Variants in EHBP1 observed in about 807,000 individuals in gnomAD.
The protein encoded by EHBP1 is EH domain binding protein 1.
EHBP1 carries 55 observed loss-of-function variants against 144.0 expected under a neutral mutation model. The ratio of observed to expected loss-of-function variants is 0.38; its 90% CI spans 0.31 to 0.48. The LOEUF (loss-of-function observed/expected upper bound fraction) is 0.48, where lower values mean the gene tolerates loss of function less well. Among genes scored for constraint, EHBP1 ranks in the 20% least tolerant of loss-of-function variants. The pLI is 0.98. For synonymous variants in EHBP1, 469 were observed against 472.7 expected, an observed-to-expected ratio of 0.99 and a Z score of 0.10; for missense variants, 1,200 against 1,364.2, an observed-to-expected ratio of 0.88 and a Z score of 1.90.
intron 14 of EHBP1, among the ~76,000 whole-genome samples, chr2:62,960,183 C>A (rs550801048): frequency 6.6e-5 from 10 of 152,256 alleles, no homozygotes; most frequent in African/African-American, 2.2e-4. Flanking sequence ...ACCCCACTTA[C>A]CTAAGAGAAT....
chr2:63,026,881 A>G (rs1334114265), intron 19 of EHBP1, among the ~76,000 whole-genome samples: 1 of 152,246 alleles, frequency 6.6e-6, no homozygotes, highest in Admixed American at 6.5e-5. Flanking sequence ...GGGAAGACTA[A>G]ATGAAATCCC....
intron 5 of EHBP1, among the ~76,000 whole-genome samples, chr2:62,791,710 A>G (rs906109732): frequency 6.6e-6 from 1 of 152,004 alleles, no homozygotes; most frequent in Non-Finnish European, 1.5e-5. Flanking sequence ...TGTTTTAAAT[A>G]CCTGTAAGAG....
intron 1 of EHBP1, among the ~76,000 whole-genome samples, chr2:62,691,274 A>G (rs935967150): frequency 6.6e-6 from 1 of 152,202 alleles, no homozygotes; most frequent in African/African-American, 2.4e-5. Flanking sequence ...TGCCTCTACA[A>G]ATTTGTGAGA....
intron 15 of EHBP1, among the ~76,000 whole-genome samples, chr2:62,990,181 A>C (rs907506630): frequency 6.6e-6 from 1 of 152,156 alleles, no homozygotes; most frequent in Non-Finnish European, 1.5e-5. Context: ...GGGTATTTGT[A>C]AACATATACC....
chr2:62,829,058 G>A (rs767621036), intron 6 of EHBP1, among the ~76,000 whole-genome samples: 1 of 151,606 alleles, frequency 6.6e-6, no homozygotes, highest in South Asian at 2.1e-4. Flanking sequence ...GATGCAGTGA[G>A]CCATGTTCAC....
intron 16 of EHBP1, among the ~76,000 whole-genome samples, chr2:62,991,438 A>C (rs1193450062): frequency 1.3e-5 from 2 of 152,072 alleles, no homozygotes; most frequent in Non-Finnish European, 2.9e-5. Flanking sequence ...TGCTAAGACA[A>C]ATACTGTTAA....
chr2:62,995,822 G>A (rs2059606618), intron 18 of EHBP1, among the ~76,000 whole-genome samples: 1 of 151,938 alleles, frequency 6.6e-6, no homozygotes, highest in African/African-American at 2.4e-5. Context: ...TAATATGATT[G>A]TAAAAATTAA....
At position 62,897,055 on chromosome 2, in the gene EHBP1, A is replaced by G. The variant is rs531568383; in HGVS notation, c.1185+22523A>G. 7.9e-5 allele frequency among the ~76,000 whole-genome samples: 12 copies of G among 152,302 alleles called. 1 individual carries two copies. In the South Asian group the frequency reaches 2.5e-3, roughly 32 times the overall value. On this transcript the variant is annotated intron_variant, in intron 10 of 22. Coordinates refer to ENST00000431489, the MANE Select transcript of EHBP1 (RefSeq NM_001142616.3). ...GAAGTCTTGCTTCTACTCCTGTACC[A>G]TTTACTACATTTCACCCCTTTCCAC...
chr2:62,977,856 A>AGG (rs2058785622), intron 14 of EHBP1, among the ~76,000 whole-genome samples: 1 of 152,194 alleles, frequency 6.6e-6, no homozygotes, highest in African/African-American at 2.4e-5. Context: ...TTTATTTCAT[A>AGG]GGGAAATGGT....
chr2:62,849,077 T>A (rs995911192), intron 7 of EHBP1, among the ~76,000 whole-genome samples: 7 of 151,886 alleles, frequency 4.6e-5, no homozygotes, highest in African/African-American at 1.7e-4. Context: ...TTTTATAATC[T>A]CCTCCTTTGC....
intron 10 of EHBP1, among the ~76,000 whole-genome samples, chr2:62,908,287 T>C (rs1298868632): frequency 3.3e-5 from 5 of 152,210 alleles, no homozygotes. Context: ...GTAGAATCTG[T>C]AGTGATATTA....
intron 14 of EHBP1, among the ~76,000 whole-genome samples, chr2:62,962,694 AAG>A (rs1207108010): frequency 2.6e-5 from 4 of 152,242 alleles, no homozygotes; most frequent in South Asian, 2.1e-4. Context: ...CAAATCTAAA[AAG>A]AGAATCAGGA....
intron 5 of EHBP1, among the ~76,000 whole-genome samples, chr2:62,811,231 T>C (rs1573477747): frequency 1.3e-5 from 2 of 152,362 alleles, no homozygotes; most frequent in East Asian, 3.9e-4. Flanking sequence ...TTAGCTGATA[T>C]GGTTTCTAAT....
At chr2:62,943,139 G>T (rs1024214301) in intron 11 of EHBP1, among the ~76,000 whole-genome samples, 1 of 152,176 alleles carries the variant, frequency 6.6e-6, no homozygotes, top group Non-Finnish European at 1.5e-5. Context: ...CACTTTGGGA[G>T]GCCAAGGCGG....
intron 5 of EHBP1, among the ~76,000 whole-genome samples, chr2:62,821,564 C>T (rs1249346952): frequency 1.3e-5 from 2 of 151,872 alleles, no homozygotes; most frequent in Non-Finnish European, 2.9e-5. Context: ...GGTGTAGTCC[C>T]AGCTACTTGG....
chr2:62,949,253 T>C, intron 13 of EHBP1, 91 bp downstream of exon 13: 1 of 1,146,716 alleles, frequency 8.7e-7, no homozygotes, highest in Non-Finnish European at 1.2e-6. Flanking sequence ...TACAAATGAT[T>C]AAAGGTGAAG....
chr2:62,740,261 G>A (rs1374352240), intron 2 of EHBP1, among the ~76,000 whole-genome samples: 1 of 152,116 alleles, frequency 6.6e-6, no homozygotes, highest in East Asian at 1.9e-4. Flanking sequence ...AAGATGTTTT[G>A]CATCTTTTAT....
chr2:62,731,338 C>G (rs2152032479), intron 2 of EHBP1, among the ~76,000 whole-genome samples: 1 of 152,260 alleles, frequency 6.6e-6, no homozygotes, highest in East Asian at 1.9e-4. Context: ...TCTGCATAGA[C>G]AATCCTATCA....
rs182273396 is a variant in EHBP1 at position 62,849,228 on chromosome 2, C to A, written c.635-9941C>A. Among the ~76,000 whole-genome samples the A allele has an allele frequency of 3.3e-5, 5 of 152,026 alleles. No individual in the cohort carries two copies. In the East Asian group the frequency reaches 9.7e-4, roughly 29 times the overall value. On this transcript the variant is annotated intron_variant, in intron 7 of 22. Coordinates refer to ENST00000431489, the MANE Select transcript of EHBP1 (RefSeq NM_001142616.3). ...GCATGCTCTAGGAAAAACCAGCTGT[C>A]ATGTAAAAAGTTCATGTGCCCTGAG...
Sources: allele counts gnomAD v4.1 joint callset (sites outside exome capture counted in the v4.1 genomes callset), GRCh38; gene constraint gnomAD v4.1.1; transcripts MANE v1.5; gene names NCBI Gene and HGNC (gene_info 2026-07-23, HGNC 2026-07-21).